The following ABTB3 variants were observed in gnomAD, a reference collection of about 807,000 sequenced individuals.
ABTB3 encodes the protein ankyrin repeat and BTB domain containing 3, also known as ankyrin repeat- and BTB/POZ domain-containing protein 3.
the ABTB3 span, among the ~76,000 whole-genome samples, chr12:107,390,124 G>C: frequency 1.3e-5 from 2 of 152,088 alleles, no homozygotes; most frequent in Non-Finnish European, 2.9e-5. Flanking sequence ...CACTGAGAGG[G>C]GTGGTCCATT....
At chr12:107,413,381 C>T in the ABTB3 span, among the ~76,000 whole-genome samples, 4 of 152,192 alleles carry the variant, frequency 2.6e-5, no homozygotes, top group East Asian at 7.7e-4. Context: ...AGTAGCTTGC[C>T]TAAGGCCACA....
At chr12:107,347,951 G>C in the ABTB3 span, among the ~76,000 whole-genome samples, 1 of 152,118 alleles carries the variant, frequency 6.6e-6, no homozygotes, top group Non-Finnish European at 1.5e-5. Flanking sequence ...CCCAGAGATG[G>C]AGGAACAGGC....
the ABTB3 span, among the ~76,000 whole-genome samples, chr12:107,456,171 C>T: frequency 2.0e-5 from 3 of 152,102 alleles, no homozygotes; most frequent in South Asian, 2.1e-4. Context: ...ACAGCTTACC[C>T]GCTGAAGGAG....
the ABTB3 span, among the ~76,000 whole-genome samples, chr12:107,551,600 A>T: frequency 6.6e-6 from 1 of 152,200 alleles, no homozygotes; most frequent in African/African-American, 2.4e-5. Flanking sequence ...TTGGAATACA[A>T]CCACACTCAT....
the ABTB3 span, among the ~76,000 whole-genome samples, chr12:107,442,250 C>CT: frequency 6.6e-6 from 1 of 152,196 alleles, no homozygotes; most frequent in East Asian, 1.9e-4. Flanking sequence ...TACTTTGGAT[C>CT]TTTTTTTCAA....
the ABTB3 span, among the ~76,000 whole-genome samples, chr12:107,335,714 A>G: frequency 1.3e-5 from 2 of 152,252 alleles, no homozygotes; most frequent in East Asian, 3.9e-4. Flanking sequence ...TTTGGCTTTG[A>G]CCAATGAGAC....
At chr12:107,610,697 T>C in the ABTB3 span, among the ~76,000 whole-genome samples, 2 of 152,196 alleles carry the variant, frequency 1.3e-5, no homozygotes, top group Admixed American at 6.5e-5. Flanking sequence ...GTGGTTAAAA[T>C]TAGTTCTCTG....
chr12:107,566,244 C>A, the ABTB3 span, among the ~76,000 whole-genome samples: 11 of 151,258 alleles, frequency 7.3e-5, no homozygotes, highest in Admixed American at 7.2e-4. Flanking sequence ...TTTTATTTTT[C>A]TTTTTACCAG....
chr12:107,386,345 T>C, the ABTB3 span, among the ~76,000 whole-genome samples: 1 of 152,348 alleles, frequency 6.6e-6, no homozygotes, highest in South Asian at 2.1e-4. Context: ...ATAACCATCC[T>C]TACATGCCTC....
At chr12:107,574,947 A>C in the ABTB3 span, among the ~76,000 whole-genome samples, 2 of 152,178 alleles carry the variant, frequency 1.3e-5, no homozygotes, top group Non-Finnish European at 2.9e-5. Context: ...CACTATAGTA[A>C]CCAGCTGTGG....
chr12:107,511,811 A>G, the ABTB3 span, among the ~76,000 whole-genome samples: 3 of 152,166 alleles, frequency 2.0e-5, no homozygotes, highest in Admixed American at 6.5e-5. Flanking sequence ...ACAGATAAGG[A>G]ATCAGAGACT....
the ABTB3 span, among the ~76,000 whole-genome samples, chr12:107,404,162 CA>C: frequency 0.099 from 3,996 of 40,252 alleles, 14 homozygotes; most frequent in Admixed American, 0.13. Context: ...GACTCTAACT[CA>C]AAAAAAAAAA....
chr12:107,626,378 C>G, the ABTB3 span, among the ~76,000 whole-genome samples: 2 of 127,762 alleles, frequency 1.6e-5, no homozygotes, highest in African/African-American at 6.3e-5. Context: ...TAGAGTCTCA[C>G]TCTGTCACCC....
the ABTB3 span, among the ~76,000 whole-genome samples, chr12:107,488,087 G>A: frequency 6.6e-6 from 1 of 152,182 alleles, no homozygotes; most frequent in South Asian, 2.1e-4. Flanking sequence ...CCTTCAAGGA[G>A]GGATGGCTGT....
the ABTB3 span, chr12:107,650,149 G>A: frequency 1.2e-4 from 18 of 152,206 alleles, no homozygotes; most frequent in Non-Finnish European, 1.6e-4. Flanking sequence ...CGGAAGCTGG[G>A]CCAGACTAGT....
At chr12:107,456,623 G>T in the ABTB3 span, among the ~76,000 whole-genome samples, 1 of 152,052 alleles carries the variant, frequency 6.6e-6, no homozygotes, top group East Asian at 1.9e-4. Context: ...AATAATAATA[G>T]AAATAAAATA....
At chr12:107,425,835 C>T in the ABTB3 span, among the ~76,000 whole-genome samples, 4 of 152,252 alleles carry the variant, frequency 2.6e-5, no homozygotes, top group African/African-American at 9.6e-5. Context: ...TGCCAATCCT[C>T]CCCTACCCTT....
the ABTB3 span, among the ~76,000 whole-genome samples, chr12:107,421,751 G>A: frequency 6.6e-6 from 1 of 152,202 alleles, no homozygotes; most frequent in African/African-American, 2.4e-5. Flanking sequence ...CGGCCTAGAG[G>A]TGAGCTGATC....
the ABTB3 span, among the ~76,000 whole-genome samples, chr12:107,437,284 G>T: frequency 6.6e-6 from 1 of 152,174 alleles, no homozygotes; most frequent in South Asian, 2.1e-4. Flanking sequence ...AGAGCATCCA[G>T]TTCTTTGCCT....
Sources: allele counts gnomAD v4.1 joint callset (sites outside exome capture counted in the v4.1 genomes callset), GRCh38; gene constraint gnomAD v4.1.1; transcripts MANE v1.5; gene names NCBI Gene and HGNC (gene_info 2026-07-23, HGNC 2026-07-21).